Variants in IL1RAPL1 observed in about 807,000 individuals in gnomAD.
IL1RAPL1 encodes the protein interleukin 1 receptor accessory protein like 1.
A neutral mutation model predicts 48.4 loss-of-function variants in IL1RAPL1; 3 were observed. The ratio of observed to expected loss-of-function variants is 0.06; its 90% CI spans 0.03 to 0.16. The LOEUF is 0.16. Among genes scored for constraint, IL1RAPL1 ranks in the 10% least tolerant of loss-of-function variants. The pLI, the probability that IL1RAPL1 is intolerant of heterozygous loss-of-function variation, is 1.00. For synonymous variants in IL1RAPL1, 185 were observed against 187.7 expected, an observed-to-expected ratio of 0.99 and a Z score of 0.12; for missense variants, 349 against 530.6, an observed-to-expected ratio of 0.66 and a Z score of 3.36.
chrX:29,887,404 A>G (rs1932188098), intron 6 of IL1RAPL1, among the ~76,000 whole-genome samples: 1 of 112,338 alleles, frequency 8.9e-6, no homozygotes, highest in Admixed American at 9.4e-5. Context: ...AACTTTTCAC[A>G]TCAGCACAGT....
chrX:28,779,374 T>C (rs1310214640), intron 1 of IL1RAPL1, among the ~76,000 whole-genome samples: 6 of 108,857 alleles, frequency 5.5e-5, no homozygotes, highest in Non-Finnish European at 5.7e-5. Flanking sequence ...GTTATGGAAA[T>C]GGACTTTTTC....
At chrX:29,717,952 A>G (rs1461516327) in intron 6 of IL1RAPL1, among the ~76,000 whole-genome samples, 1 of 111,952 alleles carries the variant, frequency 8.9e-6, no homozygotes, top group Non-Finnish European at 1.9e-5. Flanking sequence ...TTTAGCAAGT[A>G]CTGGAACTTT....
At chrX:28,894,850 T>TGC (rs1922868392) in intron 2 of IL1RAPL1, among the ~76,000 whole-genome samples, 1 of 110,503 alleles carries the variant, frequency 9.0e-6, no homozygotes, top group African/African-American at 3.3e-5. Flanking sequence ...GTAGAAGGGA[T>TGC]TGGGGTTTGG....
At chrX:29,954,015 C>T (rs767671125) in intron 9 of IL1RAPL1, among the ~76,000 whole-genome samples, 6 of 110,147 alleles carry the variant, frequency 5.4e-5, no homozygotes, top group East Asian at 5.7e-4. Context: ...GAGGGTGGAT[C>T]GCCTGAGGTC....
At chrX:29,082,664 G>A (rs1411014060) in intron 2 of IL1RAPL1, among the ~76,000 whole-genome samples, 7 of 111,824 alleles carry the variant, frequency 6.3e-5, no homozygotes, top group Non-Finnish European at 1.3e-4. Flanking sequence ...TTCTCTAGAT[G>A]AAATCAAACA....
chrX:29,550,214 T>C (rs940725652), intron 5 of IL1RAPL1, among the ~76,000 whole-genome samples: 2 of 111,565 alleles, frequency 1.8e-5, no homozygotes, highest in African/African-American at 3.3e-5. Context: ...TTTTTTGAGA[T>C]GGATTCTCAC....
chrX:29,300,885 G>A (rs1030993966), intron 3 of IL1RAPL1, among the ~76,000 whole-genome samples: 2 of 111,403 alleles, frequency 1.8e-5, no homozygotes, highest in African/African-American at 3.3e-5. Flanking sequence ...GAATATGACA[G>A]CTCTCTCTTT....
rs184059050 is a variant in IL1RAPL1 at position 28,998,301 on chromosome X, G to A, written c.82+208876G>A. ...AAATGGCACTCTTCCAAAAGAGAAA[G>A]TGAACTTCAACACAATTCTCAGATT... On this transcript the variant is annotated intron_variant, in intron 2 of 10. Coordinates refer to ENST00000378993, the MANE Select transcript of IL1RAPL1 (RefSeq NM_014271.4). 3.6e-4 allele frequency among the ~76,000 whole-genome samples: 40 copies of A among 111,032 alleles called. No individual in the cohort carries two copies. In the South Asian group the frequency reaches 5.6e-3, roughly 16 times the overall value.
intron 6 of IL1RAPL1, among the ~76,000 whole-genome samples, chrX:29,833,073 A>T (rs1485468957): frequency 8.9e-6 from 1 of 111,805 alleles, no homozygotes; most frequent in African/African-American, 3.2e-5. Flanking sequence ...GTATATTTGA[A>T]GTATTTGGTC....
chrX:29,524,374 T>A (rs1268972321), intron 5 of IL1RAPL1, among the ~76,000 whole-genome samples: 1 of 111,280 alleles, frequency 9.0e-6, no homozygotes, highest in Non-Finnish European at 1.9e-5. Flanking sequence ...TTCAGAGACA[T>A]ATACATTATG....
intron 6 of IL1RAPL1, among the ~76,000 whole-genome samples, chrX:29,733,068 G>GGGAAA (rs1389687160): frequency 9.0e-6 from 1 of 111,064 alleles, no homozygotes; most frequent in Non-Finnish European, 1.9e-5. Context: ...TGAGAGGGGA[G>GGGAAA]GGAAAGGGAA....
chrX:29,297,315 C>G, intron 3 of IL1RAPL1, among the ~76,000 whole-genome samples: 1 of 111,542 alleles, frequency 9.0e-6, no homozygotes, highest in Non-Finnish European at 1.9e-5. Flanking sequence ...GGTAGGCATT[C>G]CTGGACTTTT....
chrX:29,681,934 C>T (rs953247338), intron 6 of IL1RAPL1, among the ~76,000 whole-genome samples: 2 of 110,591 alleles, frequency 1.8e-5, no homozygotes, highest in Non-Finnish European at 3.8e-5. Context: ...AATTACCAGA[C>T]TGCCAGCTTA....
chrX:28,828,707 T>C (rs66869338), intron 2 of IL1RAPL1, among the ~76,000 whole-genome samples: 6,947 of 112,130 alleles, frequency 0.062, 408 homozygotes, highest in East Asian at 0.25. Context: ...GGACCACCGA[T>C]GTCTGTTCTT....
intron 6 of IL1RAPL1, among the ~76,000 whole-genome samples, chrX:29,811,317 G>A (rs1379187903): frequency 1.8e-5 from 2 of 110,754 alleles, no homozygotes; most frequent in Non-Finnish European, 3.8e-5. Flanking sequence ...CCCACAGTAG[G>A]CTATCTGCAA....
At chrX:29,181,220 A>G (rs1007869281) in intron 2 of IL1RAPL1, among the ~76,000 whole-genome samples, 1 of 111,035 alleles carries the variant, frequency 9.0e-6, no homozygotes, top group African/African-American at 3.3e-5. Context: ...TCTGATGAGG[A>G]TTATATAATA....
At chrX:29,126,782 T>C (rs951562215) in intron 2 of IL1RAPL1, among the ~76,000 whole-genome samples, 9 of 112,193 alleles carry the variant, frequency 8.0e-5, no homozygotes, top group African/African-American at 2.6e-4. Flanking sequence ...CTTGGATCTA[T>C]TGAGTAGTAA....
rs1485067726 is a variant in IL1RAPL1, at chrX:29,941,681, G to T, written c.1088G>T (p.Gly363Val). The T allele has an allele frequency of 2.5e-6, 3 of 1,210,035 alleles. No homozygotes were observed. The highest frequency in any genetic ancestry group is 2.3e-4 in the Middle Eastern group (1 of 4,355). The change falls in exon 9 of 11, where the codon GGC becomes GTC. Residue 363 changes from glycine to valine, a missense_variant. Coordinates refer to ENST00000378993, the MANE Select transcript of IL1RAPL1 (RefSeq NM_014271.4). ...ATGTACACAGTGGAACTTGCTGGAG[G>T]CCTTGGTGCTATACTCTTGCTGCTT... is the stretch of plus-strand genomic sequence containing the variant. ...ELMYTVELAG[G>V]LGAILLLLVC...
intron 1 of IL1RAPL1, among the ~76,000 whole-genome samples, chrX:28,721,404 G>A (rs1935576819): frequency 8.9e-6 from 1 of 112,051 alleles, no homozygotes; most frequent in Non-Finnish European, 1.9e-5. Flanking sequence ...TTTGAGAAGT[G>A]TCTGTTCATA....
Sources: allele counts gnomAD v4.1 joint callset (sites outside exome capture counted in the v4.1 genomes callset), GRCh38; gene constraint gnomAD v4.1.1; transcripts MANE v1.5; gene names NCBI Gene and HGNC (gene_info 2026-07-23, HGNC 2026-07-21).